Variants in AHI1 observed in about 807,000 individuals in gnomAD.
AHI1 encodes the protein jouberin.
In AHI1, 123 loss-of-function variants were observed where a neutral mutation model predicts 149.3. The ratio of observed to expected loss-of-function variants is 0.82; its 90% confidence interval spans 0.71 to 0.96. The LOEUF (loss-of-function observed/expected upper bound fraction) is 0.96. Ranked by LOEUF, AHI1 falls within the 40% of genes least tolerant of loss-of-function variation. The probability of loss-of-function intolerance (pLI) is 0.00; values close to 1 mark genes in which losing one functional copy is unlikely to be tolerated. For synonymous variants in AHI1, 475 were observed against 459.8 expected (o/e 1.03, Z -0.42); for missense variants, 1,439 against 1,422.7 (o/e 1.01, Z -0.18).
At chr6:135,362,843 C>T (rs1794125386) in intron 23 of AHI1, among the ~76,000 whole-genome samples, 1 of 151,958 alleles carries the variant, frequency 6.6e-6, no homozygotes, top group Non-Finnish European at 1.5e-5. Context: ...GATTCTTTTG[C>T]TGTGCAGAAG....
chr6:135,441,228 C>A (rs1409228415), intron 14 of AHI1, among the ~76,000 whole-genome samples: 2 of 151,758 alleles, frequency 1.3e-5, no homozygotes, highest in Non-Finnish European at 2.9e-5. Flanking sequence ...AAAAGCAGAT[C>A]TAAACTGAAA....
In AHI1 at chr6:135,290,469, C is replaced by T. The variant is rs200368187; in HGVS notation, c.3542G>A (p.Arg1181Gln). Reference sequence around the variant, plus strand: ...GCCTGCTTGCTTGTTCTTCCTCATCCGTGTATCCATTATGTGTCCTTGGTC... The same window carrying T: ...GCCTGCTTGCTTGTTCTTCCTCATCTGTGTATCCATTATGTGTCCTTGGTC... ...HEDQGHIMDT[R>Q]MRKNKQAGRK... is the part of the protein sequence containing the mutation. Residue 1181 changes from arginine to glutamine, a missense_variant, in exon 28 of 29, where the codon CGG (arginine) becomes CAG (glutamine). By Grantham distance (43) the Arg-to-Gln change is conservative. Transcript: ENST00000265602. The T allele has an allele frequency of 3.7e-5, 60 of 1,613,362 alleles. No individual in the cohort carries two copies. In the East Asian group the frequency reaches 8.5e-4, roughly 23 times the overall value.
chr6:135,361,542 A>G (rs547499632), intron 23 of AHI1, among the ~76,000 whole-genome samples: 1 of 152,146 alleles, frequency 6.6e-6, no homozygotes, highest in East Asian at 1.9e-4. Context: ...ATGAGAAGGA[A>G]GTCATCATTC....
At chr6:135,335,925 C>A (rs1789301350) in intron 24 of AHI1, among the ~76,000 whole-genome samples, 1 of 151,782 alleles carries the variant, frequency 6.6e-6, no homozygotes. Flanking sequence ...CCAGCCTGGC[C>A]AACATGGTGA....
At chr6:135,385,627 T>C (rs1256080074) in intron 23 of AHI1, among the ~76,000 whole-genome samples, 1 of 152,208 alleles carries the variant, frequency 6.6e-6, no homozygotes, top group Non-Finnish European at 1.5e-5. Flanking sequence ...CTGTAGTAGA[T>C]ATAGAAGCTA....
intron 3 of AHI1, chr6:135,492,571 G>T (rs975718941): frequency 8.9e-5 from 88 of 983,302 alleles, no homozygotes; most frequent in Non-Finnish European, 1.0e-4. Context: ...ATCTAATGTG[G>T]TATGTTAATA....
chr6:135,491,471 T>C (rs1158488561), intron 4 of AHI1, among the ~76,000 whole-genome samples: 5 of 152,342 alleles, frequency 3.3e-5, no homozygotes, highest in African/African-American at 1.2e-4. Context: ...TCTGTTTAAA[T>C]GCTGCCTGTA....
intron 22 of AHI1, among the ~76,000 whole-genome samples, chr6:135,398,247 T>C (rs767552739): frequency 1.3e-5 from 2 of 152,128 alleles, no homozygotes; most frequent in Non-Finnish European, 2.9e-5. Context: ...TCTAGCTTAG[T>C]AAAGTCTAAG....
At chr6:135,351,271 T>C (rs1381448145) in intron 24 of AHI1, among the ~76,000 whole-genome samples, 1 of 152,190 alleles carries the variant, frequency 6.6e-6, no homozygotes, top group African/African-American at 2.4e-5. Context: ...TCCCTTTGAT[T>C]CTTGAACTAG....
chr6:135,296,149 C>T (rs1370779132), intron 27 of AHI1, among the ~76,000 whole-genome samples: 3 of 152,244 alleles, frequency 2.0e-5, no homozygotes, highest in Non-Finnish European at 4.4e-5. Context: ...GCCACCGCGC[C>T]TGGCCGCAAT....
intron 18 of AHI1, among the ~76,000 whole-genome samples, chr6:135,429,311 T>A (rs1440708651): frequency 6.6e-6 from 1 of 151,724 alleles, no homozygotes; most frequent in East Asian, 1.9e-4. Flanking sequence ...ACACACTTTG[T>A]GCCAGGTAAG....
intron 15 of AHI1, among the ~76,000 whole-genome samples, 176 bp downstream of exon 15, chr6:135,438,192 AGAAAAAT>A (rs1164095631): frequency 6.6e-6 from 1 of 152,250 alleles, no homozygotes; most frequent in Non-Finnish European, 1.5e-5. Flanking sequence ...AAGACATTTA[AGAAAAAT>A]GTCTTTAAAA....
chr6:135,363,777 C>T (rs1447672298), intron 23 of AHI1, among the ~76,000 whole-genome samples: 24 of 136,090 alleles, frequency 1.8e-4, no homozygotes, highest in African/African-American at 5.6e-4. Flanking sequence ...TTGACCCCCC[C>T]ACCTCCCTCC....
At chr6:135,359,740 T>C (rs989885631) in intron 23 of AHI1, among the ~76,000 whole-genome samples, 5 of 152,190 alleles carry the variant, frequency 3.3e-5, no homozygotes, top group Admixed American at 3.3e-4. Context: ...ACTATTGTAA[T>C]CTGACTGTTA....
intron 24 of AHI1, among the ~76,000 whole-genome samples, chr6:135,348,036 C>T (rs1287875706): frequency 1.3e-5 from 2 of 152,118 alleles, no homozygotes; most frequent in African/African-American, 2.4e-5. Context: ...TGTAGTTATA[C>T]CAAGGGTGTC....
At chr6:135,379,894 G>A (rs1776448159) in intron 23 of AHI1, among the ~76,000 whole-genome samples, 1 of 149,250 alleles carries the variant, frequency 6.7e-6, no homozygotes, top group South Asian at 2.1e-4. Flanking sequence ...TTTTTTCCAA[G>A]CTCCCTTCCC....
intron 5 of AHI1, among the ~76,000 whole-genome samples, chr6:135,475,471 C>T (rs1202041241): frequency 2.0e-5 from 3 of 152,150 alleles, no homozygotes; most frequent in East Asian, 1.9e-4. Flanking sequence ...AACAGTTTTG[C>T]CAGAAAGCTT....
At chr6:135,474,016 G>C (rs1380834768) in intron 5 of AHI1, among the ~76,000 whole-genome samples, 1 of 152,106 alleles carries the variant, frequency 6.6e-6, no homozygotes, top group Admixed American at 6.5e-5. Context: ...TAAATTATGT[G>C]AGATATTCAA....
intron 23 of AHI1, among the ~76,000 whole-genome samples, chr6:135,386,692 G>A (rs1394191369): frequency 1.3e-5 from 2 of 151,460 alleles, no homozygotes; most frequent in African/African-American, 2.4e-5. Flanking sequence ...GTGCAATGGC[G>A]TGGTCTCAGC....
Sources: allele counts gnomAD v4.1 joint callset (sites outside exome capture counted in the v4.1 genomes callset), GRCh38; gene constraint gnomAD v4.1.1; transcripts MANE v1.5; gene names NCBI Gene and HGNC (gene_info 2026-07-23, HGNC 2026-07-21).